Variants in ARNT observed in about 807,000 individuals in gnomAD.
The protein encoded by ARNT is class E basic helix-loop-helix protein 2.
A neutral mutation model predicts 105.0 loss-of-function variants in ARNT; 30 were observed. The ratio of observed to expected loss-of-function variants is 0.29; its 90% confidence interval spans 0.21 to 0.39. ARNT has a LOEUF of 0.39. ARNT is among the 10% of genes least tolerant of loss of function. The pLI is 1.00. For synonymous variants in ARNT, 304 were observed against 344.0 expected (o/e 0.88, Z 1.29); for missense variants, 748 against 978.7 (o/e 0.76, Z 3.15).
rs753334631 is a variant in ARNT at position 150,817,371 on chromosome 1, T to C, written c.1568A>G (p.Asn523Ser). 9 of 1,614,080 alleles carry C rather than the reference T, an allele frequency of 5.6e-6. No individual in the cohort carries two copies. The highest frequency in any genetic ancestry group is 3.3e-5 in the South Asian group (3 of 91,088). Reference protein sequence around the residue: ...VPGRDGLASYNHSQVVQPVTT... With the variant: ...VPGRDGLASYSHSQVVQPVTT... ...GAGGACACAACTCACCTGGGAATGA[T>C]TGTAGCTGGCCAGTCCATCTCTTCC... is the stretch of plus-strand genomic sequence containing the variant. Residue 523 changes from asparagine to serine, a missense_variant, in exon 16 of 22, where the codon AAT becomes AGT. Asn to Ser is a conservative substitution (Grantham distance 46, BLOSUM62 1). Around this residue, in one of 4 missense-constraint regions of ARNT, gnomAD observed 360 missense variants for 411.9 expected, o/e 0.87. Coordinates refer to ENST00000358595, the MANE Select transcript of ARNT (RefSeq NM_001668.4).
At chr1:150,869,313 T>C (rs1667095450) in intron 1 of ARNT, among the ~76,000 whole-genome samples, 1 of 151,940 alleles carries the variant, frequency 6.6e-6, no homozygotes, top group African/African-American at 2.4e-5. Context: ...CCATCTCCAC[T>C]AAAAACACAA....
chr1:150,874,018 T>TAAAAAAAAAAAA (rs58707975), intron 1 of ARNT, among the ~76,000 whole-genome samples: 1 of 64,430 alleles, frequency 1.6e-5, no homozygotes, highest in Non-Finnish European at 3.0e-5. Flanking sequence ...ACAAGAATTG[T>TAAAAAAAAAAAA]AAAAAAAAAA....
chr1:150,858,245 T>G, intron 2 of ARNT, 104 bp downstream of exon 2: 40 of 789,898 alleles, frequency 5.1e-5, no homozygotes, highest in Non-Finnish European at 7.1e-5. Flanking sequence ...CAAGTTGAAG[T>G]GAGATGGTCA....
Position 150,816,127 on chromosome 1 carries a change from T to C in ARNT, c.1950+132A>G, listed in dbSNP as rs1043753120. On this transcript the variant is annotated intron_variant, in intron 19 of 21. Coordinates refer to ENST00000358595, the MANE Select transcript of ARNT (RefSeq NM_001668.4). ...TTTAATTAGCTACTCTCAACAAAGA[T>C]GGAAATTGGAAACCGGAGAACAGGG... 9.4e-6 allele frequency: 11 copies of C among 1,166,696 alleles called. No homozygotes were observed. The African/African-American group carries it at 1.5e-4, about 16-fold the overall frequency. 72.3% of individuals were successfully genotyped at this position (1,166,696 alleles called of 1,614,324 possible).
chr1:150,844,745 T>C (rs768095727), intron 4 of ARNT, among the ~76,000 whole-genome samples: 4 of 151,914 alleles, frequency 2.6e-5, no homozygotes, highest in Non-Finnish European at 5.9e-5. Context: ...TCTTGATAGG[T>C]AATTTAAACA....
At chr1:150,844,523 C>G (rs1306826678) in intron 4 of ARNT, among the ~76,000 whole-genome samples, 1 of 152,124 alleles carries the variant, frequency 6.6e-6, no homozygotes, top group Non-Finnish European at 1.5e-5. Flanking sequence ...AAAGTATGTT[C>G]CCGAGACCAG....
intron 15 of ARNT, 108 bp from the exon 16 acceptor site, chr1:150,817,541 C>T (rs963324010): frequency 1.9e-6 from 2 of 1,049,422 alleles, no homozygotes; most frequent in African/African-American, 3.2e-5. Flanking sequence ...GGCATGGTGG[C>T]TCATGCCTGT....
At chr1:150,865,659 TACAGTCTAGTG>T (rs1666441778) in intron 1 of ARNT, among the ~76,000 whole-genome samples, 1 of 152,182 alleles carries the variant, frequency 6.6e-6, no homozygotes, top group South Asian at 2.1e-4. Context: ...TCAAAGGTCT[TACAGTCTAGTG>T]AACACGACGT....
intron 10 of ARNT, 149 bp downstream of exon 10, chr1:150,831,669 G>A (rs1479405187): frequency 1.7e-6 from 1 of 583,302 alleles, no homozygotes; most frequent in Non-Finnish European, 3.0e-6. Context: ...TAATGGAAGG[G>A]AAGGATTGTA....
chr1:150,837,807 C>T (rs1660585753), intron 6 of ARNT, among the ~76,000 whole-genome samples: 1 of 152,012 alleles, frequency 6.6e-6, no homozygotes, highest in South Asian at 2.1e-4. Flanking sequence ...TATAAATATT[C>T]TACCAGCAAC....
intron 4 of ARNT, 40 bp downstream of exon 4, chr1:150,846,223 C>A: frequency 6.5e-7 from 1 of 1,541,164 alleles, no homozygotes; most frequent in Non-Finnish European, 8.9e-7. Flanking sequence ...CAACATGGAT[C>A]ATATTATATA....
chr1:150,827,067 A>T lies in ARNT; in HGVS notation c.1168-450T>A, dbSNP rs981589762. ...GTGAGGAGGAGAAAAAAAAAAGACAATAAACAAAAGATGAAATCTACTAAA... is the reference window on the plus strand; with the variant it reads ...GTGAGGAGGAGAAAAAAAAAAGACATTAAACAAAAGATGAAATCTACTAAA... On this transcript the variant is annotated intron_variant, in intron 12 of 21. Coordinates refer to ENST00000358595, the MANE Select transcript of ARNT (RefSeq NM_001668.4). Among the ~76,000 whole-genome samples, 122 of 152,178 alleles carry T rather than the reference A, an allele frequency of 8.0e-4. 4 individuals carry two copies. The highest frequency in any genetic ancestry group is 4.1e-4 in the Non-Finnish European group (28 of 68,022).
intron 4 of ARNT, among the ~76,000 whole-genome samples, chr1:150,845,022 C>A (rs1393242851): frequency 1.3e-5 from 2 of 151,932 alleles, no homozygotes; most frequent in African/African-American, 4.8e-5. Flanking sequence ...GTTGGCCAGG[C>A]TGGTTTTGAA....
intron 3 of ARNT, among the ~76,000 whole-genome samples, chr1:150,848,231 C>T (rs1051804723): frequency 2.6e-5 from 4 of 152,078 alleles, no homozygotes; most frequent in Admixed American, 1.3e-4. Flanking sequence ...TTTGGGAGGC[C>T]GAGCCGAGTG....
intron 2 of ARNT, among the ~76,000 whole-genome samples, chr1:150,855,776 C>T (rs1281178305): frequency 1.3e-5 from 2 of 151,098 alleles, no homozygotes; most frequent in African/African-American, 4.9e-5. Flanking sequence ...GTGCCATGTG[C>T]CTGTGGTCCC....
intron 14 of ARNT, among the ~76,000 whole-genome samples, chr1:150,821,023 T>A (rs1238133292): frequency 6.6e-6 from 1 of 152,224 alleles, no homozygotes; most frequent in Non-Finnish European, 1.5e-5. Context: ...ACGTTTTGTA[T>A]GTTGTACGTA....
intron 3 of ARNT, among the ~76,000 whole-genome samples, chr1:150,848,515 T>C (rs1051300998): frequency 1.3e-5 from 2 of 152,026 alleles, no homozygotes; most frequent in Non-Finnish European, 2.9e-5. Flanking sequence ...TTTCACTATA[T>C]ATAACTCTGC....
Position 150,839,457 on chromosome 1 carries a change from G to T in ARNT, c.470C>A (p.Ser157Tyr). ...CCCAGAGACCTGATCAGTGAGGAAA[G>T]ACGGCTTATAGGAGCCATCAGTGGA... ...NTSTDGSYKP[S>Y]FLTDQELKHL... Residue 157 changes from serine (S) to tyrosine (Y), a missense_variant, in exon 6 of 22, where the codon TCT becomes TAT. Physicochemically the swap from Ser to Tyr is moderately radical, Grantham distance 144. Around this residue, in one of 4 missense-constraint regions of ARNT, gnomAD observed 291 missense variants for 444.6 expected, o/e 0.65. Transcript: ENST00000358595. 6.2e-7 allele frequency: 1 copy of T among 1,614,198 alleles called. No homozygotes were observed. Among genetic ancestry groups the T allele is most frequent in the Non-Finnish European group, 8.5e-7 (1 of 1,180,028 alleles).
chr1:150,871,668 G>T (rs1466839987), intron 1 of ARNT, among the ~76,000 whole-genome samples: 1 of 147,644 alleles, frequency 6.8e-6, no homozygotes, highest in Non-Finnish European at 1.5e-5. Context: ...CCAGCACTTT[G>T]GGAGGCCAAG....
Sources: gnomAD v4.1 joint callset for allele counts (sites outside exome capture counted in the v4.1 genomes callset) on GRCh38, gnomAD v4.1.1 for gene constraint, gnomAD v4.1.1 regional missense constraint, MANE v1.5 for transcripts, NCBI Gene and HGNC (gene_info 2026-07-23, HGNC 2026-07-21) for gene names.